NTM: variants seen among roughly 807,000 people sequenced by gnomAD.
NTM encodes neurotrimin.
NTM carries 13 observed loss-of-function variants against 42.1 expected under a neutral mutation model. The observed-to-expected ratio is 0.31, with a 90% confidence interval of 0.20 to 0.49. NTM has a LOEUF of 0.49. NTM is among the 20% of genes least tolerant of loss of function. The probability of loss-of-function intolerance (pLI) is 0.99; values close to 1 mark genes in which losing one functional copy is unlikely to be tolerated. For missense variants in NTM, 373 were observed against 452.8 expected, an observed-to-expected ratio of 0.82 and a Z score of 1.60; for synonymous variants, 187 against 179.2, an observed-to-expected ratio of 1.04 and a Z score of -0.35.
chr11:131,616,604 A>T (rs1240085217), intron 1 of NTM, among the ~76,000 whole-genome samples: 2 of 152,100 alleles, frequency 1.3e-5, no homozygotes, highest in East Asian at 3.9e-4. Context: ...GCACCAGGGG[A>T]CATACCTCCT....
intron 1 of NTM, among the ~76,000 whole-genome samples, chr11:131,693,899 T>C (rs909913827): frequency 6.6e-6 from 1 of 152,222 alleles, no homozygotes; most frequent in African/African-American, 2.4e-5. Flanking sequence ...AGCACATTCC[T>C]GTGTTTGACT....
At chr11:132,093,878 G>A (rs1230772341) in intron 2 of NTM, among the ~76,000 whole-genome samples, 2 of 152,178 alleles carry the variant, frequency 1.3e-5, no homozygotes, top group Non-Finnish European at 2.9e-5. Flanking sequence ...AACTTTAGCT[G>A]AATTAAATTT....
intron 2 of NTM, among the ~76,000 whole-genome samples, chr11:131,962,258 G>C (rs537239414): frequency 1.3e-5 from 2 of 152,288 alleles, no homozygotes; most frequent in African/African-American, 4.8e-5. Flanking sequence ...GGATCAAGGG[G>C]TGTGAAGGTC....
chr11:131,397,195 G>A (rs898929915), intron 1 of NTM, among the ~76,000 whole-genome samples: 3 of 152,098 alleles, frequency 2.0e-5, no homozygotes, highest in Non-Finnish European at 2.9e-5. Context: ...TTGACTCACT[G>A]TCTCATTTTT....
In NTM at chr11:131,694,300, C is replaced by G. The variant is rs11824761; in HGVS notation, c.83-217264C>G. ...TACCCTTGCAGCATCTACTCTTCCT[C>G]TAGTTCTCAAGCTACAGACCATTTT... is the stretch of plus-strand genomic sequence containing the variant. On this transcript the variant is annotated intron_variant, in intron 1 of 8. Transcript: ENST00000683400. Among the ~76,000 whole-genome samples the G allele has an allele frequency of 6.0e-4, 91 of 152,346 alleles. 1 individual carries two copies. Among genetic ancestry groups the G allele is most frequent in the African/African-American group, 2.1e-3 (88 of 41,584 alleles).
chr11:131,912,452 A>G (rs571579701), intron 2 of NTM, among the ~76,000 whole-genome samples: 5 of 152,302 alleles, frequency 3.3e-5, no homozygotes, highest in African/African-American at 9.6e-5. Context: ...TGCTTTGTGT[A>G]AGGTAGAATG....
At chr11:131,525,775 C>T (rs907870547) in intron 1 of NTM, among the ~76,000 whole-genome samples, 14 of 152,144 alleles carry the variant, frequency 9.2e-5, no homozygotes, top group Non-Finnish European at 2.9e-5. Flanking sequence ...TAATTAATCT[C>T]TCTGATCTTC....
chr11:131,917,589 A>G (rs1565732875), intron 2 of NTM, among the ~76,000 whole-genome samples: 2 of 152,344 alleles, frequency 1.3e-5, no homozygotes, highest in East Asian at 3.9e-4. Flanking sequence ...AAGGAGGGAC[A>G]CAGAAAAGCA....
At chr11:132,039,021 G>A (rs1376853124) in intron 2 of NTM, among the ~76,000 whole-genome samples, 2 of 152,186 alleles carry the variant, frequency 1.3e-5, no homozygotes, top group South Asian at 2.1e-4. Context: ...TTGAGTGAGG[G>A]CACCAGTCGG....
intron 3 of NTM, among the ~76,000 whole-genome samples, chr11:132,163,294 G>T (rs905882773): frequency 6.6e-6 from 1 of 152,188 alleles, no homozygotes; most frequent in Non-Finnish European, 1.5e-5. Flanking sequence ...ACAATGACTC[G>T]GGTGCCCCTA....
At chr11:132,234,408 AT>A (rs1369059601) in intron 4 of NTM, among the ~76,000 whole-genome samples, 1 of 152,038 alleles carries the variant, frequency 6.6e-6, no homozygotes, top group Non-Finnish European at 1.5e-5. Flanking sequence ...TCAAACCCAT[AT>A]TTTACCATCA....
intron 1 of NTM, among the ~76,000 whole-genome samples, chr11:131,672,410 C>T (rs1844674144): frequency 6.6e-6 from 1 of 152,224 alleles, no homozygotes; most frequent in African/African-American, 2.4e-5. Flanking sequence ...ACGAAGCACG[C>T]GTGGGCGTGT....
At chr11:131,785,260 G>C (rs922678495) in intron 1 of NTM, among the ~76,000 whole-genome samples, 3 of 152,194 alleles carry the variant, frequency 2.0e-5, no homozygotes, top group Admixed American at 1.3e-4. Context: ...ACCACAGGCA[G>C]AGTGAAAACA....
intron 2 of NTM, among the ~76,000 whole-genome samples, chr11:131,936,070 A>G (rs1026149806): frequency 5.9e-5 from 9 of 152,118 alleles, no homozygotes; most frequent in South Asian, 2.1e-4. Flanking sequence ...AAGAATATCA[A>G]TATAAAAATT....
chr11:131,816,542 A>G (rs1164224839), intron 1 of NTM, among the ~76,000 whole-genome samples: 2 of 68,858 alleles, frequency 2.9e-5, no homozygotes, highest in Non-Finnish European at 5.1e-5. Flanking sequence ...TGAATATTAA[A>G]GCAAGAAAAA....
chr11:131,503,393 G>A (rs12223661), intron 1 of NTM, among the ~76,000 whole-genome samples: 2 of 152,154 alleles, frequency 1.3e-5, no homozygotes, highest in African/African-American at 4.8e-5. Flanking sequence ...TGGCTCTGCA[G>A]TAATGTAAGA....
At chr11:131,952,796 A>C (rs2061157461) in intron 2 of NTM, among the ~76,000 whole-genome samples, 1 of 152,238 alleles carries the variant, frequency 6.6e-6, no homozygotes, top group African/African-American at 2.4e-5. Flanking sequence ...TAAATAAGCA[A>C]ACATGGATGT....
chr11:131,888,300 C>CA (rs921607916), intron 1 of NTM, among the ~76,000 whole-genome samples: 3 of 151,652 alleles, frequency 2.0e-5, no homozygotes, highest in South Asian at 2.1e-4. Context: ...GACTCGATCT[C>CA]AAAAAAACAA....
chr11:132,260,851 TG>T (rs1486305083), intron 4 of NTM, among the ~76,000 whole-genome samples: 1 of 152,176 alleles, frequency 6.6e-6, no homozygotes, highest in East Asian at 1.9e-4. Flanking sequence ...CATTAAGTCA[TG>T]AGCCTCAGGC....
Sources: gnomAD v4.1 joint callset for allele counts (sites outside exome capture counted in the v4.1 genomes callset) on GRCh38, gnomAD v4.1.1 for gene constraint, MANE v1.5 for transcripts, NCBI Gene and HGNC (gene_info 2026-07-23, HGNC 2026-07-21) for gene names.